NFIB: variants seen among roughly 807,000 people sequenced by gnomAD.
The protein encoded by NFIB is nuclear factor I B.
NFIB carries 11 observed loss-of-function variants against 61.5 expected under a neutral mutation model. That is an observed-to-expected ratio of 0.18 (90% CI 0.11 to 0.30). The LOEUF (loss-of-function observed/expected upper bound fraction) is 0.30. Ranked by LOEUF, NFIB falls within the 10% of genes least tolerant of loss-of-function variation. The pLI, the probability that NFIB is intolerant of heterozygous loss-of-function variation, is 1.00. For missense variants in NFIB, 471 were observed against 608.9 expected (o/e 0.77, Z 2.38); for synonymous variants, 260 against 216.5 (o/e 1.20, Z -1.76).
intron 3 of NFIB, among the ~76,000 whole-genome samples, chr9:14,175,987 T>C (rs983221603): frequency 1.3e-5 from 2 of 152,150 alleles, no homozygotes; most frequent in Non-Finnish European, 2.9e-5. Context: ...AGTCAAGGGA[T>C]TGAGATTGGG....
intron 2 of NFIB, among the ~76,000 whole-genome samples, chr9:14,280,024 T>C (rs1307029288): frequency 2.0e-5 from 3 of 152,164 alleles, no homozygotes; most frequent in African/African-American, 7.2e-5. Flanking sequence ...AGATGGTACT[T>C]CAAAATGACA....
At chr9:14,498,342 G>A in the NFIB span, among the ~76,000 whole-genome samples, 1 of 152,172 alleles carries the variant, frequency 6.6e-6, no homozygotes, top group Admixed American at 6.5e-5. Context: ...TTTGGTCTGA[G>A]CCAATACAAG....
intron 10 of NFIB, among the ~76,000 whole-genome samples, chr9:14,100,533 C>T (rs533923815): frequency 6.6e-6 from 1 of 152,134 alleles, no homozygotes; most frequent in African/African-American, 2.4e-5. Context: ...ACAGTGAAGC[C>T]CCGTCTCTAC....
At chr9:14,266,285 T>C (rs2057194414) in intron 2 of NFIB, among the ~76,000 whole-genome samples, 1 of 152,196 alleles carries the variant, frequency 6.6e-6, no homozygotes, top group African/African-American at 2.4e-5. Flanking sequence ...ATGTGATCTA[T>C]GGCTTATTTA....
intron 2 of NFIB, among the ~76,000 whole-genome samples, chr9:14,269,533 C>A (rs1047059746): frequency 5.3e-5 from 8 of 152,130 alleles, no homozygotes; most frequent in African/African-American, 1.9e-4. Flanking sequence ...GGCTATTGAG[C>A]GATAAAGCAT....
chr9:14,356,496 TACCCA>T (rs2061177688), intron 1 of NFIB, among the ~76,000 whole-genome samples: 1 of 152,126 alleles, frequency 6.6e-6, no homozygotes, highest in East Asian at 1.9e-4. Flanking sequence ...CTGAATATGC[TACCCA>T]GAATGGTCAG....
the NFIB span, among the ~76,000 whole-genome samples, chr9:14,518,451 T>C: frequency 1.3e-5 from 2 of 151,990 alleles, no homozygotes; most frequent in South Asian, 2.1e-4. Context: ...CCACCCATTA[T>C]TGAACTAACA....
the NFIB span, among the ~76,000 whole-genome samples, chr9:14,459,953 A>G: frequency 6.6e-6 from 1 of 152,088 alleles, no homozygotes; most frequent in Admixed American, 6.6e-5. Flanking sequence ...TGTGGAAGTC[A>G]GTGTGGCGAT....
chr9:14,432,229 A>T, the NFIB span, among the ~76,000 whole-genome samples: 1 of 152,222 alleles, frequency 6.6e-6, no homozygotes, highest in Non-Finnish European at 1.5e-5. Context: ...TGCTTCAGAT[A>T]TAAAAGGCAG....
Position 14,147,910 on chromosome 9 carries a change from G to C in NFIB, c.807-1103C>G, listed in dbSNP as rs2042444693. Among the ~76,000 whole-genome samples, 3 of 151,904 alleles carry C rather than the reference G, an allele frequency of 2.0e-5. 1 individual carries two copies. Among genetic ancestry groups the C allele is most frequent in the Admixed American group, 2.0e-4 (3 of 15,216 alleles). On this transcript the variant is annotated intron_variant, in intron 5 of 10. Transcript: ENST00000380953. ...TCCCACTTCAGCCTCCCAAAGTGCT[G>C]GGATTACAGGCAGGAGCCACTGTGC...
At chr9:14,502,726 A>C in the NFIB span, among the ~76,000 whole-genome samples, 1 of 152,016 alleles carries the variant, frequency 6.6e-6, no homozygotes, top group Non-Finnish European at 1.5e-5. Flanking sequence ...TTTTTAATTA[A>C]TTTGTAAATT....
chr9:14,333,655 C>G (rs953662095), intron 1 of NFIB, among the ~76,000 whole-genome samples: 4 of 152,198 alleles, frequency 2.6e-5, no homozygotes, highest in African/African-American at 9.7e-5. Flanking sequence ...TGCCTTGTCT[C>G]TCTTCCTGTG....
intron 3 of NFIB, among the ~76,000 whole-genome samples, chr9:14,167,984 G>C (rs1052085280): frequency 1.3e-5 from 2 of 152,174 alleles, no homozygotes; most frequent in African/African-American, 4.8e-5. Flanking sequence ...TTCTCAGTCA[G>C]ATACCTCTCT....
the NFIB span, among the ~76,000 whole-genome samples, chr9:14,487,836 G>A: frequency 6.6e-6 from 1 of 152,132 alleles, no homozygotes; most frequent in African/African-American, 2.4e-5. Context: ...AGCTATGTCA[G>A]TACATGCTCC....
intron 3 of NFIB, among the ~76,000 whole-genome samples, chr9:14,165,405 T>A (rs951434937): frequency 1.3e-5 from 2 of 152,154 alleles, no homozygotes; most frequent in African/African-American, 4.8e-5. Context: ...AAATAAAATA[T>A]GAAATTGAAT....
intron 9 of NFIB, 23 bp downstream of exon 9, chr9:14,116,185 T>G: frequency 6.7e-7 from 1 of 1,483,078 alleles, no homozygotes; most frequent in African/African-American, 1.4e-5. Flanking sequence ...ACTTACTGGT[T>G]GCTGTAGGTG....
chr9:14,523,348 C>T, the NFIB span, among the ~76,000 whole-genome samples: 2 of 152,044 alleles, frequency 1.3e-5, no homozygotes, highest in African/African-American at 4.8e-5. Flanking sequence ...TATTTATAAG[C>T]ACGTACTTCT....
intron 6 of NFIB, among the ~76,000 whole-genome samples, chr9:14,137,951 T>TA (rs965463984): frequency 6.6e-5 from 10 of 152,014 alleles, no homozygotes; most frequent in East Asian, 1.9e-4. Flanking sequence ...TTTCATGCAT[T>TA]AAAAAAAATT....
chr9:14,226,191 C>T (rs1433596283), intron 2 of NFIB, among the ~76,000 whole-genome samples: 3 of 151,790 alleles, frequency 2.0e-5, no homozygotes, highest in African/African-American at 7.3e-5. Flanking sequence ...TTTTAACAAG[C>T]TAATAAACAA....
Sources: allele counts gnomAD v4.1 joint callset (sites outside exome capture counted in the v4.1 genomes callset), GRCh38; gene constraint gnomAD v4.1.1; transcripts MANE v1.5; gene names NCBI Gene and HGNC (gene_info 2026-07-23, HGNC 2026-07-21).